The following CELF3 variants were observed in gnomAD, a reference collection of about 807,000 sequenced individuals.
The protein encoded by CELF3 is CUGBP Elav-like family member 3.
Under a neutral mutation model 59.6 loss-of-function variants are expected in CELF3, and 26 were observed. The ratio of observed to expected loss-of-function variants is 0.44; its 90% CI spans 0.32 to 0.61. The LOEUF (loss-of-function observed/expected upper bound fraction) is 0.61. CELF3 is among the 20% of genes least tolerant of loss of function. CELF3 has a pLI of 0.06. For synonymous variants in CELF3, 245 were observed against 250.7 expected (o/e 0.98, Z 0.22); for missense variants, 387 against 627.2 (o/e 0.62, Z 4.09).
At position 151,705,568 on chromosome 1, in the gene CELF3, C is replaced by T. The variant is rs1019648390; in HGVS notation, c.1270+254G>A. On this transcript the variant is annotated intron_variant, in intron 11 of 12. Coordinates refer to ENST00000290583, the MANE Select transcript of CELF3 (RefSeq NM_007185.7). This position sits in a 1 kb window ranked among gnomAD's most constrained non-coding sequence, Gnocchi z 5.1. ...CCACCTTTTGCAAACCAAACATCCC[C>T]AGACCATAAGCCTATTTCAGACCTC... Among the ~76,000 whole-genome samples the T allele has an allele frequency of 2.6e-5, 4 of 152,144 alleles. No homozygotes were observed. The South Asian group carries it at 8.3e-4, about 31-fold the overall frequency.
At position 151,716,779 on chromosome 1, in the gene CELF3, G is replaced by C. The variant is rs1326848119; in HGVS notation, c.-759C>G. The stretch of plus-strand genomic sequence containing the variant: ...CCTGGGTCCCGGAGCTCTGCTCTCC[G>C]GCCGCGCTCTCCTCAACAAAAACCT... On this transcript the variant is annotated 5_prime_UTR_variant, in exon 1 of 13. Coordinates refer to ENST00000290583, the MANE Select transcript of CELF3 (RefSeq NM_007185.7). 1.3e-5 allele frequency: 6 copies of C among 462,150 alleles called. No individual in the cohort carries two copies. The highest frequency in any genetic ancestry group is 9.6e-5 in the Admixed American group (4 of 41,620). The allele number at this position is 462,150 out of a possible 1,614,324, so 28.6% of individuals were successfully genotyped here. A position where few individuals can be genotyped will look rare whatever the true frequency, so the allele number is the denominator to read the frequency against.
Position 151,709,126 on chromosome 1 carries a change from G to T in CELF3, c.407-49C>A, listed in dbSNP as rs551541281. On this transcript the variant is annotated intron_variant, in intron 4 of 12. Transcript: ENST00000290583. This position sits in a 1 kb window ranked among gnomAD's most constrained non-coding sequence, Gnocchi z 4.9. ...GAGAGGGGTAAGCACCCATCCCTGC[G>T]GGACCCCGCGGTGGAACCCGATGCC... 4.4e-6 allele frequency: 7 copies of T among 1,607,086 alleles called. No individual in the cohort carries two copies. In the African/African-American group the frequency reaches 8.0e-5, roughly 18 times the overall value.
intron 2 of CELF3, chr1:151,710,849 T>G (rs1373479369): frequency 2.2e-6 from 1 of 456,380 alleles, no homozygotes; most frequent in East Asian, 7.0e-5. Context: ...TGCAGGTTGA[T>G]TTTCTTAACC....
intron 2 of CELF3, among the ~76,000 whole-genome samples, chr1:151,712,815 T>TA (rs201809621): frequency 7.9e-5 from 12 of 152,110 alleles, no homozygotes; most frequent in South Asian, 2.1e-4. Flanking sequence ...CTGATTTTTT[T>TA]AAAAAAACCT....
In CELF3 at chr1:151,702,845, G is replaced by T. The variant is rs1170932713; in HGVS notation, c.*614C>A. 2.6e-5 allele frequency: 6 copies of T among 228,082 alleles called. No homozygotes were observed. The highest frequency in any genetic ancestry group is 5.4e-5 in the Non-Finnish European group (6 of 110,682). The allele number at this position is 228,082 out of a possible 1,614,324, so 14.1% of individuals were successfully genotyped here. A position where few individuals can be genotyped will look rare whatever the true frequency, so the allele number is the denominator to read the frequency against. On this transcript the variant is annotated 3_prime_UTR_variant, in exon 13 of 13. Transcript: ENST00000290583. The stretch of plus-strand genomic sequence containing the variant: ...GAAGGTCTTTTCCTCGTGAAAGGAG[G>T]AGGGTCTCTGTGGCTGACTGGCAGA...
intron 1 of CELF3, chr1:151,715,522 G>GCACA (rs141638568): frequency 1.2e-6 from 1 of 804,054 alleles, no homozygotes; most frequent in Non-Finnish European, 1.8e-6. Flanking sequence ...TGCTGCACAC[G>GCACA]CACACACACA....
rs569912984 is a variant in CELF3, at chr1:151,716,575, C to T, written c.-555G>A. 2 of 344,780 alleles carry T rather than the reference C, an allele frequency of 5.8e-6. No individual in the cohort carries two copies. The highest frequency in any genetic ancestry group is 4.3e-5 in the South Asian group (2 of 46,040). The allele number at this position is 344,780 out of a possible 1,614,324, so 21.4% of individuals were successfully genotyped here. ...CTGTGGCGGATCCTTCTGCTGGGTC[C>T]GAAGATCCCTGATGCCAGATGCTTG... On this transcript the variant is annotated 5_prime_UTR_variant, in exon 1 of 13. Coordinates refer to ENST00000290583, the MANE Select transcript of CELF3 (RefSeq NM_007185.7).
chr1:151,706,091 A>T lies in CELF3; in HGVS notation c.1127-126T>A. The T allele has an allele frequency of 1.9e-6, 3 of 1,590,604 alleles. No individual in the cohort carries two copies. In the East Asian group the frequency reaches 6.7e-5, roughly 36 times the overall value. On this transcript the variant is annotated intron_variant, in intron 10 of 12. Coordinates refer to ENST00000290583, the MANE Select transcript of CELF3 (RefSeq NM_007185.7). ...GTCCCAGTCCTTGACAGTGTGGGCC[A>T]AGTCTCCGGCCACTCCCTCCCCACT...
chr1:151,706,814 G>A (rs752178780), intron 8 of CELF3, 80 bp from the exon 9 acceptor site: 12 of 1,154,480 alleles, frequency 1.0e-5, no homozygotes, highest in East Asian at 2.6e-5. Flanking sequence ...CCTCTGGGCC[G>A]AGGCCAGGCA....
chr1:151,710,687 G>T, intron 2 of CELF3: 1 of 456,314 alleles, frequency 2.2e-6, no homozygotes, highest in South Asian at 1.5e-5. Context: ...GTGCTCCTTC[G>T]CAATTTACCC....
intron 2 of CELF3, chr1:151,710,761 A>T (rs1672959594): frequency 2.2e-6 from 1 of 456,358 alleles, no homozygotes; most frequent in African/African-American, 2.0e-5. Context: ...CCCTTTGTTC[A>T]GTCTTCAGTG....
chr1:151,711,823 G>GAT (rs1296344912), intron 2 of CELF3: 8 of 152,310 alleles, frequency 5.3e-5, no homozygotes, highest in African/African-American at 1.9e-4. Flanking sequence ...CAGGCCTGGG[G>GAT]ATTTGCTGTT....
intron 1 of CELF3, 34 bp from the exon 2 acceptor site, chr1:151,714,710 G>C (rs894987322): frequency 3.5e-6 from 5 of 1,447,442 alleles, no homozygotes; most frequent in African/African-American, 2.8e-5. Context: ...AACACGGCGG[G>C]GGGTGAGTCC....
chr1:151,701,930 A>G lies in CELF3; in HGVS notation c.*1529T>C, dbSNP rs1202207579. Among the ~76,000 whole-genome samples the G allele has an allele frequency of 1.3e-5, 2 of 152,238 alleles. No individual in the cohort carries two copies. Among genetic ancestry groups the G allele is most frequent in the Admixed American group, 6.5e-5 (1 of 15,292 alleles). ...AGAGTGAGACCCTGTTTCAAAGTAA[A>G]TAAGTAAAATAAATAAACTATAGCC... On this transcript the variant is annotated 3_prime_UTR_variant, in exon 13 of 13. Transcript: ENST00000290583.
chr1:151,708,017 C>A, intron 5 of CELF3, 82 bp from the exon 6 acceptor site: 1 of 1,484,428 alleles, frequency 6.7e-7, no homozygotes, highest in Non-Finnish European at 9.0e-7. Flanking sequence ...GGTCTCCATT[C>A]CACCCCCATG....
At position 151,700,553 on chromosome 1, in the gene CELF3, CAAA is replaced by C. The variant is rs1053118019; in HGVS notation, c.*2903_*2905del. ...GGCTGAGGTGTTCTATGAAAAACAA[CAAA>C]AAACAGCAGCAGAGAAGTTTTGTTT... is the stretch of plus-strand genomic sequence containing the variant. On this transcript the variant is annotated 3_prime_UTR_variant, in exon 13 of 13. Transcript: ENST00000290583. 1.9e-4 allele frequency among the ~76,000 whole-genome samples: 29 copies of C among 152,046 alleles called. No individual in the cohort carries two copies. Among genetic ancestry groups the C allele is most frequent in the Non-Finnish European group, 4.0e-4 (27 of 67,986 alleles).
At chr1:151,711,781 A>T (rs1352890143) in intron 2 of CELF3, 3 of 152,160 alleles carry the variant, frequency 2.0e-5, no homozygotes, top group Non-Finnish European at 4.4e-5. Context: ...GGGTTGGGGG[A>T]TTCTTACGCT....
rs372937834 is a variant in CELF3 at position 151,714,603 on chromosome 1, C to T, written c.219G>A (p.Thr73=). The change falls in exon 2 of 13, where the codon ACG becomes ACA. Residue 73 remains threonine (T), a synonymous_variant. Coordinates refer to ENST00000290583, the MANE Select transcript of CELF3 (RefSeq NM_007185.7). ...KAQSALHEQK[T]LPGMNRPIQV... ...AAAGGGCAGGACTCACCCCTGGAAG[C>T]GTCTTCTGTTCGTGCAGGGCGCTCT... is the stretch of plus-strand genomic sequence containing the variant. The T allele has an allele frequency of 2.5e-4, 389 of 1,555,712 alleles. No individual in the cohort carries two copies. The East Asian group carries it at 5.5e-3, about 22-fold the overall frequency.
In CELF3 at chr1:151,703,395, GGGCCAGTCGT is replaced by G; in HGVS notation, c.*54_*63del. On this transcript the variant is annotated 3_prime_UTR_variant, in exon 13 of 13. Coordinates refer to ENST00000290583, the MANE Select transcript of CELF3 (RefSeq NM_007185.7). Reference sequence around the variant, plus strand: ...CAGGGCAGGTGTGCGGAGAGGGCCGGGGCCAGTCGTGGGAAGAGGGTGTGAGGCGCCCCTT... The same window carrying G: ...CAGGGCAGGTGTGCGGAGAGGGCCGGGGGAAGAGGGTGTGAGGCGCCCCTT... 1.8e-5 allele frequency: 7 copies of G among 396,634 alleles called. No individual in the cohort carries two copies. Among genetic ancestry groups the G allele is most frequent in the South Asian group, 1.3e-4 (7 of 55,570 alleles). The allele number at this position is 396,634 out of a possible 1,614,324, so 24.6% of individuals were successfully genotyped here.
Sources: allele counts gnomAD v4.1 joint callset (sites outside exome capture counted in the v4.1 genomes callset), GRCh38; gene constraint gnomAD v4.1.1; non-coding constraint Gnocchi (gnomAD v3.1); transcripts MANE v1.5; gene names NCBI Gene and HGNC (gene_info 2026-07-23, HGNC 2026-07-21).